KIAA0825: variants seen among roughly 807,000 people sequenced by gnomAD.
KIAA0825 encodes uncharacterized protein KIAA0825.
KIAA0825 carries 119 observed loss-of-function variants against 147.6 expected under a neutral mutation model. The ratio of observed to expected loss-of-function variants is 0.81; its 90% CI spans 0.69 to 0.94. The LOEUF is 0.94. KIAA0825 is among the 40% of genes least tolerant of loss of function. KIAA0825 has a pLI of 0.00. For synonymous variants in KIAA0825, 470 were observed against 518.1 expected (o/e 0.91, Z 1.26); for missense variants, 1,381 against 1,472.7 (o/e 0.94, Z 1.02).
At chr5:94,536,899 C>T in intron 3 of KIAA0825, 97 bp downstream of exon 3, 2 of 816,084 alleles carry the variant, frequency 2.5e-6, no homozygotes, top group South Asian at 4.2e-5. Context: ...ATAATTAAAA[C>T]CTAAAATTAT....
intron 1 of KIAA0825, chr5:94,594,882 A>T (rs1214682880): frequency 4.1e-4 from 55 of 134,212 alleles, no homozygotes; most frequent in Middle Eastern, 3.6e-3. Context: ...AATAGTAGAT[A>T]AAAAAAAAAA....
chr5:94,225,241 C>T (rs561985531), intron 20 of KIAA0825, among the ~76,000 whole-genome samples: 29 of 152,018 alleles, frequency 1.9e-4, no homozygotes, highest in Non-Finnish European at 3.1e-4. Context: ...ATAAAGTTAT[C>T]GAAGCATAAA....
intron 20 of KIAA0825, among the ~76,000 whole-genome samples, chr5:94,372,964 GA>G (rs1420905322): frequency 6.6e-6 from 1 of 152,126 alleles, no homozygotes; most frequent in Non-Finnish European, 1.5e-5. Flanking sequence ...TAGGGCAGGG[GA>G]AAAAGCTGCC....
intron 6 of KIAA0825, among the ~76,000 whole-genome samples, chr5:94,482,538 A>G (rs1404762331): frequency 6.6e-6 from 1 of 152,048 alleles, no homozygotes; most frequent in Admixed American, 6.6e-5. Flanking sequence ...TATCAGGAAT[A>G]CCCAATAGTT....
At chr5:94,560,112 C>T (rs1042544329) in intron 2 of KIAA0825, among the ~76,000 whole-genome samples, 3 of 152,208 alleles carry the variant, frequency 2.0e-5, no homozygotes, top group Non-Finnish European at 4.4e-5. Flanking sequence ...AGTCAAACCT[C>T]TTCTCTCCCT....
chr5:94,161,282 T>A (rs1767559433), intron 20 of KIAA0825, among the ~76,000 whole-genome samples: 1 of 152,216 alleles, frequency 6.6e-6, no homozygotes, highest in Non-Finnish European at 1.5e-5. Flanking sequence ...CAGTTCTGTT[T>A]AGCTGCTACT....
chr5:94,486,508 G>C (rs1258171709), intron 5 of KIAA0825, among the ~76,000 whole-genome samples: 1 of 152,058 alleles, frequency 6.6e-6, no homozygotes, highest in East Asian at 1.9e-4. Context: ...TACCAACTTA[G>C]ACTGTAAAAT....
intron 3 of KIAA0825, among the ~76,000 whole-genome samples, chr5:94,530,676 C>T (rs1770610604): frequency 6.6e-6 from 1 of 152,144 alleles, no homozygotes. Context: ...GGCTTGGATT[C>T]AATCTCCAGG....
chr5:94,486,475 A>G (rs571162914), intron 5 of KIAA0825, among the ~76,000 whole-genome samples: 6 of 152,226 alleles, frequency 3.9e-5, no homozygotes, highest in African/African-American at 1.4e-4. Context: ...ATCTCTTTGC[A>G]GGTACTATGA....
intron 13 of KIAA0825, among the ~76,000 whole-genome samples, chr5:94,447,487 A>G (rs909307104): frequency 6.6e-6 from 1 of 152,128 alleles, no homozygotes; most frequent in Non-Finnish European, 1.5e-5. Flanking sequence ...GGTATCATAT[A>G]CTGTGGTCAA....
intron 20 of KIAA0825, among the ~76,000 whole-genome samples, chr5:94,357,241 C>T (rs571165621): frequency 7.0e-6 from 1 of 143,838 alleles, no homozygotes; most frequent in Non-Finnish European, 1.6e-5. Flanking sequence ...CAAGCTAACA[C>T]ACGTTAAAAG....
At chr5:94,613,740 T>C (rs1005602234) in intron 1 of KIAA0825, among the ~76,000 whole-genome samples, 12 of 152,204 alleles carry the variant, frequency 7.9e-5, no homozygotes, top group Non-Finnish European at 1.6e-4. Context: ...TTACACAGTG[T>C]ATATCCAAGA....
chr5:94,498,720 G>A (rs1462375879), intron 5 of KIAA0825, among the ~76,000 whole-genome samples: 1 of 152,142 alleles, frequency 6.6e-6, no homozygotes. Context: ...GCTCCTATGC[G>A]CCAGTCACAG....
chr5:94,218,891 G>C (rs1444982008), intron 20 of KIAA0825, among the ~76,000 whole-genome samples: 3 of 151,884 alleles, frequency 2.0e-5, no homozygotes, highest in Admixed American at 6.6e-5. Flanking sequence ...TGTTGTTGTT[G>C]TTCCTTCCTA....
At chr5:94,209,885 C>T (rs563905505) in intron 20 of KIAA0825, among the ~76,000 whole-genome samples, 10 of 152,220 alleles carry the variant, frequency 6.6e-5, no homozygotes, top group East Asian at 1.9e-4. Context: ...TATGTTGAAC[C>T]GATTCACCAC....
intron 13 of KIAA0825, among the ~76,000 whole-genome samples, chr5:94,441,220 C>T (rs1757037491): frequency 1.3e-5 from 2 of 152,066 alleles, no homozygotes; most frequent in Non-Finnish European, 2.9e-5. Context: ...AACATCACAT[C>T]CTAATTCTCC....
At chr5:94,503,616 G>T (rs1765355880) in intron 5 of KIAA0825, among the ~76,000 whole-genome samples, 1 of 151,970 alleles carries the variant, frequency 6.6e-6, no homozygotes, top group Non-Finnish European at 1.5e-5. Context: ...CACCTGTGCT[G>T]TAGCTCTTCC....
At chr5:94,243,435 A>T (rs1175484868) in intron 20 of KIAA0825, among the ~76,000 whole-genome samples, 3 of 152,144 alleles carry the variant, frequency 2.0e-5, no homozygotes, top group Non-Finnish European at 4.4e-5. Context: ...AGTGGGAAGT[A>T]AGGCAGTTGA....
intron 20 of KIAA0825, among the ~76,000 whole-genome samples, chr5:94,290,396 G>A (rs1011328003): frequency 3.3e-5 from 5 of 152,188 alleles, no homozygotes; most frequent in African/African-American, 9.6e-5. Context: ...TTGGTTTTCT[G>A]TTCCTGTGTT....
Sources: allele counts gnomAD v4.1 joint callset (sites outside exome capture counted in the v4.1 genomes callset), GRCh38; gene constraint gnomAD v4.1.1; transcripts MANE v1.5; gene names NCBI Gene and HGNC (gene_info 2026-07-23, HGNC 2026-07-21).